RAD51C: variants seen among roughly 807,000 people sequenced by gnomAD.
RAD51C encodes DNA repair protein RAD51 homolog 3.
Under a neutral mutation model 45.0 loss-of-function variants are expected in RAD51C, and 42 were observed. The observed-to-expected ratio is 0.93, with a 90% CI of 0.73 to 1.21. The LOEUF (loss-of-function observed/expected upper bound fraction) is 1.21, where lower values mean the gene tolerates loss of function less well. Ranked by LOEUF, RAD51C falls within the 50% of genes most tolerant of loss-of-function variation. RAD51C has a pLI of 0.00. For missense variants in RAD51C, 474 were observed against 452.2 expected (o/e 1.05, Z -0.44); for synonymous variants, 172 against 159.8 (o/e 1.08, Z -0.58).
rs786201775 is a variant in RAD51C at position 58,692,722 on chromosome 17, C to G, written c.79C>G (p.Leu27Val). The change falls in exon 1 of 9, where the codon CTG (leucine) becomes GTG (valine). Residue 27 changes from leucine to valine, a missense_variant. Leu to Val is a conservative substitution (Grantham distance 32). Transcript: ENST00000337432. Reference sequence around the variant, plus strand: ...GCTGTCTCCAGCGGTGCGGGTGAAGCTGGTGTCTGCGGGGTTCCAGACTGC... The same window carrying G: ...GCTGTCTCCAGCGGTGCGGGTGAAGGTGGTGTCTGCGGGGTTCCAGACTGC... Reference protein sequence around the residue: ...FPLSPAVRVKLVSAGFQTAEE... With the variant: ...FPLSPAVRVKVVSAGFQTAEE... The G allele has an allele frequency of 6.2e-7, 1 of 1,614,224 alleles. No homozygotes were observed. The highest frequency in any genetic ancestry group is 2.2e-5 in the East Asian group (1 of 44,884).
At chr17:58,706,565 C>G (rs1567797017) in intron 4 of RAD51C, 1 of 461,332 alleles carries the variant, frequency 2.2e-6, no homozygotes, top group Non-Finnish European at 4.5e-6. Context: ...AGGGCCCCAC[C>G]CTCTGAAACC....
intron 5 of RAD51C, among the ~76,000 whole-genome samples, chr17:58,719,845 C>T (rs2143923436): frequency 6.6e-6 from 1 of 150,834 alleles, no homozygotes; most frequent in South Asian, 2.1e-4. Context: ...TCTCCTGTCT[C>T]AGCCTCCTGA....
intron 4 of RAD51C, chr17:58,705,733 T>A (rs1403442949): frequency 1.3e-5 from 2 of 152,158 alleles, no homozygotes; most frequent in Non-Finnish European, 2.9e-5. Flanking sequence ...TCCACATACA[T>A]TCACATTGGG....
intron 4 of RAD51C, among the ~76,000 whole-genome samples, chr17:58,705,712 G>A (rs1049798186): frequency 6.6e-6 from 1 of 152,026 alleles, no homozygotes; most frequent in African/African-American, 2.4e-5. Context: ...TACTTCCTTA[G>A]AAGTCCTTTC....
chr17:58,713,486 A>G (rs1248554486), intron 5 of RAD51C, among the ~76,000 whole-genome samples: 1 of 151,882 alleles, frequency 6.6e-6, no homozygotes, highest in African/African-American at 2.4e-5. Flanking sequence ...GACCACAGGC[A>G]CACACCACCA....
At chr17:58,731,041 C>A (rs954082544) in intron 7 of RAD51C, among the ~76,000 whole-genome samples, 10 of 152,106 alleles carry the variant, frequency 6.6e-5, no homozygotes, top group Admixed American at 3.3e-4. Context: ...AATACTTGTT[C>A]TGATGTGACT....
rs138432487 is a variant in RAD51C at position 58,715,081 on chromosome 17, C to T, written c.837+5091C>T. 3.3e-5 allele frequency among the ~76,000 whole-genome samples: 5 copies of T among 151,386 alleles called. No individual in the cohort carries two copies. The East Asian group carries it at 9.7e-4, about 29-fold the overall frequency. On this transcript the variant is annotated intron_variant, in intron 5 of 8. Transcript: ENST00000337432. ...TTGCGGTCAACTATAACTTTGTACCCTATGGAGAAAGTAATTCTGGTTCTG... is the reference window on the plus strand; with the variant it reads ...TTGCGGTCAACTATAACTTTGTACCTTATGGAGAAAGTAATTCTGGTTCTG...
chr17:58,695,346 C>G, intron 2 of RAD51C, 157 bp downstream of exon 2: 1 of 1,394,244 alleles, frequency 7.2e-7, no homozygotes, highest in South Asian at 1.7e-5. Flanking sequence ...ATTTGTGTTA[C>G]TTCATTATCC....
Position 58,693,063 on chromosome 17 carries a change from C to G in RAD51C, c.145+275C>G, listed in dbSNP as rs955826745. ...TCTCATTTAACCCTCAACCCGCTTA[C>G]GTAGATTATTATATTCAGTATATGG... On this transcript the variant is annotated intron_variant, in intron 1 of 8. Coordinates refer to ENST00000337432, the MANE Select transcript of RAD51C (RefSeq NM_058216.3). 12 of 466,034 alleles carry G rather than the reference C, an allele frequency of 2.6e-5. 1 individual carries two copies. The East Asian group carries it at 5.0e-4, about 19-fold the overall frequency. 28.9% of individuals were successfully genotyped at this position (466,034 alleles called of 1,614,324 possible).
chr17:58,712,967 T>TA (rs1567802247), intron 5 of RAD51C, among the ~76,000 whole-genome samples: 1 of 152,008 alleles, frequency 6.6e-6, no homozygotes, highest in African/African-American at 2.4e-5. Flanking sequence ...TACAAATTTT[T>TA]AAAAAAATCT....
chr17:58,724,808 T>C (rs907268520), intron 7 of RAD51C, among the ~76,000 whole-genome samples: 1 of 152,174 alleles, frequency 6.6e-6, no homozygotes, highest in African/African-American at 2.4e-5. Context: ...TTGTGATTAA[T>C]TGGTATAACC....
chr17:58,696,035 C>T (rs550433535), intron 2 of RAD51C, among the ~76,000 whole-genome samples: 153 of 151,454 alleles, frequency 1.0e-3, no homozygotes, highest in Admixed American at 2.0e-3. Flanking sequence ...CCACTGCACT[C>T]CAGCTTGGGT....
intron 5 of RAD51C, among the ~76,000 whole-genome samples, chr17:58,718,026 T>G (rs1460877474): frequency 6.6e-6 from 1 of 152,142 alleles, no homozygotes; most frequent in Non-Finnish European, 1.5e-5. Context: ...GTTGGAGTCT[T>G]GCTCCTGTTG....
chr17:58,723,560 C>T (rs2048997849), intron 6 of RAD51C, among the ~76,000 whole-genome samples: 2 of 151,812 alleles, frequency 1.3e-5, no homozygotes, highest in Admixed American at 1.3e-4. Context: ...TATTTCTAGC[C>T]TTTATATAAA....
intron 5 of RAD51C, among the ~76,000 whole-genome samples, chr17:58,719,734 T>TA: frequency 1.3e-5 from 2 of 150,424 alleles, no homozygotes; most frequent in Non-Finnish European, 3.0e-5. Flanking sequence ...TTTTAATTTT[T>TA]TTTTTTTTTT....
intron 3 of RAD51C, among the ~76,000 whole-genome samples, chr17:58,701,369 A>C (rs1271422246): frequency 1.3e-5 from 2 of 151,526 alleles, no homozygotes; most frequent in Non-Finnish European, 2.9e-5. Flanking sequence ...TTAGCCTGGC[A>C]TGGTGGCGGG....
chr17:58,717,883 T>C (rs745977849), intron 5 of RAD51C, among the ~76,000 whole-genome samples: 18 of 152,232 alleles, frequency 1.2e-4, no homozygotes, highest in Non-Finnish European at 2.4e-4. Context: ...ATCCACTTGG[T>C]ATCTAATTGA....
intron 5 of RAD51C, among the ~76,000 whole-genome samples, chr17:58,716,253 T>C (rs1230747717): frequency 6.6e-6 from 1 of 152,188 alleles, no homozygotes; most frequent in Admixed American, 6.6e-5. Context: ...AATTTTGGCA[T>C]GTTGAATACC....
rs80220411 is a variant in RAD51C, at chr17:58,731,977, T to C, written c.966-507T>C. ...TTTGTAGTATAAGAAATTATCATAATTCTTCAGCAATAATTAAAAAAACAT... is the reference window on the plus strand; with the variant it reads ...TTTGTAGTATAAGAAATTATCATAACTCTTCAGCAATAATTAAAAAAACAT... On this transcript the variant is annotated intron_variant, in intron 7 of 8. Transcript: ENST00000337432. 8.5e-5 allele frequency among the ~76,000 whole-genome samples: 13 copies of C among 152,292 alleles called. No individual in the cohort carries two copies. In the East Asian group the frequency reaches 2.3e-3, roughly 27 times the overall value.
Sources: gnomAD v4.1 joint callset for allele counts (sites outside exome capture counted in the v4.1 genomes callset) on GRCh38, gnomAD v4.1.1 for gene constraint, MANE v1.5 for transcripts, NCBI Gene and HGNC (gene_info 2026-07-23, HGNC 2026-07-21) for gene names.